Variants in LDLRAD3 observed in about 807,000 individuals in gnomAD.
LDLRAD3 encodes the protein low density lipoprotein receptor class A domain containing 3, also known as low-density lipoprotein receptor class A domain-containing protein 3.
LDLRAD3 carries 20 observed loss-of-function variants against 29.4 expected under a neutral mutation model. The observed-to-expected ratio is 0.68, with a 90% confidence interval of 0.48 to 0.99. The LOEUF is 0.99. LDLRAD3 is among the 50% of genes least tolerant of loss of function. The pLI, the probability that LDLRAD3 is intolerant of heterozygous loss-of-function variation, is 0.00. For missense variants in LDLRAD3, 420 were observed against 454.3 expected (o/e 0.92, Z 0.69); for synonymous variants, 157 against 192.7 (o/e 0.81, Z 1.53).
intron 4 of LDLRAD3, among the ~76,000 whole-genome samples, chr11:36,199,585 A>ACACACACACACACGCACG (rs771281624): frequency 4.0e-5 from 6 of 150,354 alleles, no homozygotes; most frequent in South Asian, 2.1e-4. Context: ...ACACACACAC[A>ACACACACACACACGCACG]CACGCACGCA....
rs1231731652 is a variant in LDLRAD3 at position 35,944,574 on chromosome 11, C to T, written c.46+430C>T. Among the ~76,000 whole-genome samples, 1 of 152,160 alleles carries T rather than the reference C, an allele frequency of 6.6e-6. No individual in the cohort carries two copies. The highest frequency in any genetic ancestry group is 1.5e-5 in the Non-Finnish European group (1 of 68,012). Reference sequence around the variant, plus strand: ...TGGTCGCGCGCGGCTGCGTTAGCCTCCTCTGGGCCTCTTCCCGAGTCTCTG... The same window carrying T: ...TGGTCGCGCGCGGCTGCGTTAGCCTTCTCTGGGCCTCTTCCCGAGTCTCTG... On this transcript the variant is annotated intron_variant, in intron 1 of 5. Transcript: ENST00000315571. This position sits in a 1 kb window ranked among gnomAD's most constrained non-coding sequence, Gnocchi z 4.9.
At chr11:36,221,698 C>A (rs148168098) in intron 4 of LDLRAD3, among the ~76,000 whole-genome samples, 9 of 152,256 alleles carry the variant, frequency 5.9e-5, no homozygotes, top group African/African-American at 2.2e-4. Context: ...AGGAAGAAGA[C>A]AGAGTGCTTA....
At chr11:35,981,847 A>G (rs549096656) in intron 1 of LDLRAD3, among the ~76,000 whole-genome samples, 1 of 152,302 alleles carries the variant, frequency 6.6e-6, no homozygotes, top group South Asian at 2.1e-4. Flanking sequence ...TGCTTGAGGC[A>G]TGCTTTTGTT....
intron 2 of LDLRAD3, among the ~76,000 whole-genome samples, chr11:36,064,669 A>C (rs186021847): frequency 8.3e-4 from 127 of 152,136 alleles, no homozygotes; most frequent in Non-Finnish European, 1.5e-3. Context: ...CTTGTTTTCT[A>C]ATGTAGGCAT....
Position 36,098,446 on chromosome 11 carries a change from T to C in LDLRAD3, c.439T>C (p.Cys147Arg). 6.2e-7 allele frequency: 1 copy of C among 1,614,210 alleles called. No homozygotes were observed. ...TCAAGACAACAGTGATGAGGAAAGCTGTGAAAGTTCTCAAGGTAGGAACCT... is the reference window on the plus strand; with the variant it reads ...TCAAGACAACAGTGATGAGGAAAGCCGTGAAAGTTCTCAAGGTAGGAACCT... The part of the protein sequence containing the change: ...NCQDNSDEES[C>R]ESSQEPGSGQ... The change falls in exon 4 of 6, where the codon TGT becomes CGT. Residue 147 changes from cysteine to arginine, a missense_variant. Coordinates refer to ENST00000315571, the MANE Select transcript of LDLRAD3 (RefSeq NM_174902.4).
intron 4 of LDLRAD3, among the ~76,000 whole-genome samples, chr11:36,185,199 C>A (rs1340929546): frequency 1.3e-5 from 2 of 152,048 alleles, no homozygotes; most frequent in Non-Finnish European, 2.9e-5. Context: ...TGTCCTCTGG[C>A]CTGTAGTTGG....
intron 4 of LDLRAD3, among the ~76,000 whole-genome samples, chr11:36,208,551 G>A (rs1439037720): frequency 6.6e-6 from 1 of 152,128 alleles, no homozygotes; most frequent in Admixed American, 6.5e-5. Context: ...TGGCCTGATC[G>A]CCCTTAAATG....
At chr11:36,095,523 A>G (rs1348048569) in intron 3 of LDLRAD3, among the ~76,000 whole-genome samples, 1 of 151,762 alleles carries the variant, frequency 6.6e-6, no homozygotes, top group Non-Finnish European at 1.5e-5. Context: ...TTGATTTTTG[A>G]GAGTTCTTTA....
intron 4 of LDLRAD3, among the ~76,000 whole-genome samples, chr11:36,206,706 G>A (rs1855214654): frequency 6.7e-6 from 1 of 150,276 alleles, no homozygotes; most frequent in Non-Finnish European, 1.5e-5. Flanking sequence ...CCTGTCACTA[G>A]CAAGACTTGT....
chr11:36,224,647 G>A (rs893195595), intron 4 of LDLRAD3, among the ~76,000 whole-genome samples: 11 of 152,190 alleles, frequency 7.2e-5, no homozygotes, highest in African/African-American at 2.2e-4. Context: ...TGACCACCAC[G>A]GACTTGGAGA....
At chr11:36,152,436 T>A (rs1854290554) in intron 4 of LDLRAD3, among the ~76,000 whole-genome samples, 1 of 152,224 alleles carries the variant, frequency 6.6e-6, no homozygotes, top group Non-Finnish European at 1.5e-5. Context: ...GAATTGACCT[T>A]AAGTCAAACA....
At chr11:36,223,839 C>T (rs921869580) in intron 4 of LDLRAD3, among the ~76,000 whole-genome samples, 1 of 151,820 alleles carries the variant, frequency 6.6e-6, no homozygotes, top group Non-Finnish European at 1.5e-5. Context: ...GCTCCCCCAG[C>T]TTTCTACCCC....
rs113032438 is a variant in LDLRAD3 at position 36,046,178 on chromosome 11, A to G, written c.193+9929A>G. On this transcript the variant is annotated intron_variant, in intron 2 of 5. Transcript: ENST00000315571. ...TTATGGCTGCATAGTATTCCATGGT[A>G]TATATGTGCCACATTTTCTTTATCC... 7.9e-3 allele frequency among the ~76,000 whole-genome samples: 1,198 copies of G among 152,170 alleles called. 15 individuals are homozygous for G. The highest frequency in any genetic ancestry group is 0.027 in the Middle Eastern group (8 of 292).
chr11:36,016,480 CTTAATG>C lies in LDLRAD3; in HGVS notation c.47-19618_47-19613del, dbSNP rs553645584. ...GACTGTTTCCTTTTGGGTTTTGTTT[CTTAATG>C]TTAAAGGAACAAATCTTTCTCTGTG... is the stretch of plus-strand genomic sequence containing the variant. On this transcript the variant is annotated intron_variant, in intron 1 of 5. Coordinates refer to ENST00000315571, the MANE Select transcript of LDLRAD3 (RefSeq NM_174902.4). Among the ~76,000 whole-genome samples the C allele has an allele frequency of 4.2e-3, 643 of 152,162 alleles. 3 individuals carry two copies. Among genetic ancestry groups the C allele is most frequent in the African/African-American group, 0.015 (605 of 41,480 alleles).
chr11:36,157,733 C>G (rs571714774), intron 4 of LDLRAD3, among the ~76,000 whole-genome samples: 1 of 152,280 alleles, frequency 6.6e-6, no homozygotes, highest in African/African-American at 2.4e-5. Context: ...GGGTGTCTGT[C>G]TTTTGGAGGG....
At chr11:36,184,483 T>G (rs184356133) in intron 4 of LDLRAD3, among the ~76,000 whole-genome samples, 81 of 152,356 alleles carry the variant, frequency 5.3e-4, no homozygotes, top group African/African-American at 1.9e-3. Context: ...GTACTTAGTA[T>G]TTTTGACTGT....
chr11:36,094,132 C>T (rs896401909), intron 3 of LDLRAD3, among the ~76,000 whole-genome samples: 2 of 152,182 alleles, frequency 1.3e-5, no homozygotes, highest in East Asian at 1.9e-4. Flanking sequence ...ACCGGGGACT[C>T]GCCCCTGTCT....
chr11:35,955,627 G>A (rs1349483036), intron 1 of LDLRAD3, among the ~76,000 whole-genome samples: 2 of 152,036 alleles, frequency 1.3e-5, no homozygotes, highest in Non-Finnish European at 2.9e-5. Flanking sequence ...GATAAACAGG[G>A]TTACTGCAAA....
At chr11:36,116,988 C>T (rs1340012407) in intron 4 of LDLRAD3, among the ~76,000 whole-genome samples, 3 of 151,860 alleles carry the variant, frequency 2.0e-5, no homozygotes, top group Admixed American at 6.6e-5. Context: ...ACTACAGGCG[C>T]GAGCTGCCAT....
Sources: allele counts gnomAD v4.1 joint callset (sites outside exome capture counted in the v4.1 genomes callset), GRCh38; gene constraint gnomAD v4.1.1; non-coding constraint Gnocchi (gnomAD v3.1); transcripts MANE v1.5; gene names NCBI Gene and HGNC (gene_info 2026-07-23, HGNC 2026-07-21).